The following GRID1 variants were observed in gnomAD, a reference collection of about 807,000 sequenced individuals.
GRID1 encodes the protein glutamate ionotropic receptor delta type subunit 1.
A neutral mutation model predicts 98.0 loss-of-function variants in GRID1; 28 were observed. The ratio of observed to expected loss-of-function variants is 0.29; its 90% CI spans 0.21 to 0.39. The LOEUF (loss-of-function observed/expected upper bound fraction) is 0.39, where lower values mean the gene tolerates loss of function less well. Among genes scored for constraint, GRID1 ranks in the 10% least tolerant of loss-of-function variants. The probability of loss-of-function intolerance (pLI) is 1.00; values close to 1 mark genes in which losing one functional copy is unlikely to be tolerated. For missense variants in GRID1, 1,111 were observed against 1,340.5 expected (o/e 0.83, Z 2.67); for synonymous variants, 553 against 538.5 (o/e 1.03, Z -0.37).
At chr10:85,897,516 C>G (rs1311789217) in intron 5 of GRID1, among the ~76,000 whole-genome samples, 1 of 152,202 alleles carries the variant, frequency 6.6e-6, no homozygotes, top group Non-Finnish European at 1.5e-5. Flanking sequence ...TGGGGTCTCT[C>G]ATGCTCGGAA....
intron 3 of GRID1, among the ~76,000 whole-genome samples, chr10:86,199,699 A>G (rs1483868839): frequency 2.0e-5 from 3 of 152,130 alleles, no homozygotes; most frequent in Non-Finnish European, 4.4e-5. Flanking sequence ...CGCTGGCATG[A>G]CGCCTGGGTC....
At chr10:85,751,281 T>A (rs962937670) in intron 8 of GRID1, among the ~76,000 whole-genome samples, 1 of 152,160 alleles carries the variant, frequency 6.6e-6, no homozygotes, top group Non-Finnish European at 1.5e-5. Context: ...CACATGCAAA[T>A]GAAATGAGCA....
intron 4 of GRID1, among the ~76,000 whole-genome samples, chr10:86,048,054 T>G (rs1242113944): frequency 6.6e-6 from 1 of 152,160 alleles, no homozygotes; most frequent in Non-Finnish European, 1.5e-5. Context: ...TGACCTCAAG[T>G]TCACCATCCT....
chr10:85,811,293 G>A (rs1842668721), intron 8 of GRID1, among the ~76,000 whole-genome samples: 1 of 152,076 alleles, frequency 6.6e-6, no homozygotes, highest in Admixed American at 6.6e-5. Context: ...ATTCCCTCAG[G>A]TGCATAAATA....
intron 8 of GRID1, among the ~76,000 whole-genome samples, chr10:85,741,628 A>G (rs1247528243): frequency 2.0e-5 from 3 of 151,914 alleles, no homozygotes; most frequent in Non-Finnish European, 2.9e-5. Flanking sequence ...TGCACTCCCT[A>G]TCTAAGCCTC....
intron 8 of GRID1, among the ~76,000 whole-genome samples, chr10:85,776,839 C>T (rs1202090230): frequency 7.2e-5 from 11 of 152,180 alleles, no homozygotes; most frequent in Non-Finnish European, 1.5e-5. Flanking sequence ...TCTGCTGTGT[C>T]CACTGAATCT....
intron 13 of GRID1, among the ~76,000 whole-genome samples, chr10:85,642,007 C>T (rs1843127009): frequency 6.6e-6 from 1 of 152,208 alleles, no homozygotes; most frequent in Non-Finnish European, 1.5e-5. Context: ...ATGCTCCCTA[C>T]TAATGGTGCC....
intron 2 of GRID1, among the ~76,000 whole-genome samples, chr10:86,280,676 A>T (rs962131084): frequency 9.9e-5 from 15 of 152,138 alleles, no homozygotes; most frequent in African/African-American, 3.6e-4. Flanking sequence ...ACAGCTTTCA[A>T]GGCCATGACC....
chr10:86,119,957 AT>A (rs996067642), intron 4 of GRID1, among the ~76,000 whole-genome samples: 59 of 149,832 alleles, frequency 3.9e-4, no homozygotes, highest in African/African-American at 1.2e-3. Context: ...TGCCCGGCTA[AT>A]TTTTTTTTTC....
chr10:85,685,942 G>GA (rs199734951), intron 12 of GRID1, among the ~76,000 whole-genome samples: 1,546 of 149,364 alleles, frequency 0.01, 30 homozygotes, highest in African/African-American at 0.035. Flanking sequence ...AGTAACTAAA[G>GA]AAAAAAAAAC....
At position 86,195,104 on chromosome 10, in the gene GRID1, T is replaced by C. The variant is rs1845854238; in HGVS notation, c.520+11260A>G. 2.6e-5 allele frequency among the ~76,000 whole-genome samples: 4 copies of C among 152,208 alleles called. No homozygotes were observed. The South Asian group carries it at 8.3e-4, about 32-fold the overall frequency. On this transcript the variant is annotated intron_variant, in intron 3 of 15. Transcript: ENST00000327946. This position sits in a 1 kb window ranked among gnomAD's most constrained non-coding sequence, Gnocchi z 4.4. ...GCTTCAAGTCTGGCCCAGAGGAAGC[T>C]TAGGCAGAGGCAAGTCCTATCCCTA...
chr10:86,296,711 C>G (rs1847595839), intron 2 of GRID1, among the ~76,000 whole-genome samples: 1 of 152,064 alleles, frequency 6.6e-6, no homozygotes, highest in African/African-American at 2.4e-5. Context: ...TGCACTCCAG[C>G]CTGGGCAACA....
intron 2 of GRID1, among the ~76,000 whole-genome samples, chr10:86,234,974 G>A (rs896592997): frequency 6.6e-6 from 1 of 152,204 alleles, no homozygotes; most frequent in African/African-American, 2.4e-5. Flanking sequence ...CAGGGGAGAG[G>A]AGAAAGCACA....
At chr10:85,896,252 T>A (rs368052074) in intron 5 of GRID1, among the ~76,000 whole-genome samples, 2 of 152,260 alleles carry the variant, frequency 1.3e-5, no homozygotes, top group East Asian at 3.9e-4. Context: ...ATTCAGCTAT[T>A]AAAATGATCT....
intron 4 of GRID1, among the ~76,000 whole-genome samples, chr10:85,977,904 T>TGCC (rs1842493653): frequency 6.6e-6 from 1 of 152,076 alleles, no homozygotes; most frequent in African/African-American, 2.4e-5. Flanking sequence ...AGAGGTCTGG[T>TGCC]CTATCTAGTG....
At chr10:86,291,383 C>T (rs1847510108) in intron 2 of GRID1, among the ~76,000 whole-genome samples, 1 of 152,200 alleles carries the variant, frequency 6.6e-6, no homozygotes, top group African/African-American at 2.4e-5. Flanking sequence ...AGCTGAGGAG[C>T]CCAGGGAAAG....
At position 85,672,805 on chromosome 10, in the gene GRID1, G is replaced by A. The variant is rs1013888843; in HGVS notation, c.1998-25408C>T. 3.9e-5 allele frequency among the ~76,000 whole-genome samples: 6 copies of A among 152,272 alleles called. No individual in the cohort carries two copies. In the East Asian group the frequency reaches 5.8e-4, roughly 15 times the overall value. The stretch of plus-strand genomic sequence containing the variant: ...GAAGACGTACAAGGGGATTAATGTT[G>A]TCTTCATGCCTGTTATTACAACATC... On this transcript the variant is annotated intron_variant, in intron 12 of 15. Coordinates refer to ENST00000327946, the MANE Select transcript of GRID1 (RefSeq NM_017551.3).
chr10:86,332,322 C>T (rs1157826947), intron 2 of GRID1, among the ~76,000 whole-genome samples: 1 of 152,130 alleles, frequency 6.6e-6, no homozygotes, highest in Non-Finnish European at 1.5e-5. Flanking sequence ...GGATGCATTC[C>T]TGAAGGAGAA....
At chr10:86,176,790 G>C (rs1564697984) in intron 3 of GRID1, among the ~76,000 whole-genome samples, 2 of 152,156 alleles carry the variant, frequency 1.3e-5, no homozygotes, top group Admixed American at 6.5e-5. Flanking sequence ...TGCCAGTCTA[G>C]GTAAGAAATG....
Sources: allele counts gnomAD v4.1 joint callset (sites outside exome capture counted in the v4.1 genomes callset), GRCh38; gene constraint gnomAD v4.1.1; non-coding constraint Gnocchi (gnomAD v3.1); transcripts MANE v1.5; gene names NCBI Gene and HGNC (gene_info 2026-07-23, HGNC 2026-07-21).